ALK: variants seen among roughly 807,000 people sequenced by gnomAD.
ALK encodes the protein ALK tyrosine kinase receptor.
In ALK, 74 loss-of-function variants were observed where a neutral mutation model predicts 163.1. The observed-to-expected ratio is 0.45, with a 90% CI of 0.38 to 0.55. ALK has a LOEUF of 0.55. Among genes scored for constraint, ALK ranks in the 20% least tolerant of loss-of-function variants. The pLI, the probability that ALK is intolerant of heterozygous loss-of-function variation, is 0.00. For missense variants in ALK, 2,063 were observed against 2,105.3 expected, an observed-to-expected ratio of 0.98 and a Z score of 0.39; for synonymous variants, 960 against 843.2, an observed-to-expected ratio of 1.14 and a Z score of -2.40.
intron 4 of ALK, among the ~76,000 whole-genome samples, chr2:29,441,239 T>C (rs1389986027): frequency 6.6e-6 from 1 of 152,260 alleles, no homozygotes; most frequent in Non-Finnish European, 1.5e-5. Context: ...GGGGTCTCCC[T>C]GTGTACCTCA....
intron 3 of ALK, among the ~76,000 whole-genome samples, chr2:29,634,249 C>T (rs947165228): frequency 6.6e-5 from 10 of 152,156 alleles, no homozygotes; most frequent in South Asian, 6.2e-4. Flanking sequence ...TGACACACTG[C>T]GGTGCTGGTT....
intron 3 of ALK, among the ~76,000 whole-genome samples, chr2:29,546,265 G>A (rs1179253445): frequency 6.6e-6 from 1 of 152,118 alleles, no homozygotes; most frequent in African/African-American, 2.4e-5. Context: ...AAGGGGCAGA[G>A]CCAATAATCT....
At chr2:29,457,012 C>T (rs1041303933) in intron 4 of ALK, among the ~76,000 whole-genome samples, 3 of 152,182 alleles carry the variant, frequency 2.0e-5, no homozygotes, top group Non-Finnish European at 4.4e-5. Context: ...AAAGTAATCA[C>T]AAGCCAGTCT....
chr2:29,291,759 C>G (rs1463756361), intron 9 of ALK, among the ~76,000 whole-genome samples: 2 of 152,170 alleles, frequency 1.3e-5, no homozygotes, highest in Non-Finnish European at 2.9e-5. Flanking sequence ...TCTAGACCTG[C>G]AAACTGAGGC....
chr2:29,480,600 A>C (rs2148117769), intron 4 of ALK, among the ~76,000 whole-genome samples: 1 of 151,944 alleles, frequency 6.6e-6, no homozygotes, highest in East Asian at 1.9e-4. Context: ...GGATGAGTTG[A>C]CACTTCTTGC....
At chr2:29,845,697 G>C (rs1037647691) in intron 1 of ALK, among the ~76,000 whole-genome samples, 14 of 152,300 alleles carry the variant, frequency 9.2e-5, no homozygotes, top group Admixed American at 7.8e-4. Context: ...GCCTCCAAAA[G>C]TACTAGGATG....
chr2:29,633,726 A>C (rs1479948138), intron 3 of ALK, among the ~76,000 whole-genome samples: 1 of 152,162 alleles, frequency 6.6e-6, no homozygotes, highest in Non-Finnish European at 1.5e-5. Context: ...ATGAGGAAGG[A>C]AACAAGGGTT....
intron 3 of ALK, among the ~76,000 whole-genome samples, chr2:29,553,287 C>G (rs918067031): frequency 6.6e-6 from 1 of 152,168 alleles, no homozygotes; most frequent in Non-Finnish European, 1.5e-5. Flanking sequence ...GAAGACACAA[C>G]AGCAAGGCAC....
At chr2:29,696,857 G>A (rs1678581351) in intron 2 of ALK, among the ~76,000 whole-genome samples, 1 of 151,222 alleles carries the variant, frequency 6.6e-6, no homozygotes, top group Admixed American at 6.6e-5. Flanking sequence ...GGGAGAAGCT[G>A]TCTTTAGAGC....
At chr2:29,347,455 C>T (rs773319625) in intron 5 of ALK, among the ~76,000 whole-genome samples, 6 of 152,140 alleles carry the variant, frequency 3.9e-5, no homozygotes, top group Non-Finnish European at 8.8e-5. Context: ...TGTGAATGGT[C>T]AGGAAGTGGC....
intron 8 of ALK, among the ~76,000 whole-genome samples, chr2:29,299,072 G>A (rs1183138232): frequency 1.3e-5 from 2 of 152,190 alleles, no homozygotes; most frequent in Non-Finnish European, 2.9e-5. Context: ...GCTGCCGCTA[G>A]TTACTTGTTG....
At chr2:29,363,781 A>C (rs1668436047) in intron 5 of ALK, among the ~76,000 whole-genome samples, 1 of 152,222 alleles carries the variant, frequency 6.6e-6, no homozygotes, top group Non-Finnish European at 1.5e-5. Context: ...TGAGTCAACA[A>C]TTCAGACTCA....
chr2:29,542,458 CTT>C (rs1673438505), intron 3 of ALK, among the ~76,000 whole-genome samples: 1 of 152,100 alleles, frequency 6.6e-6, no homozygotes, highest in Non-Finnish European at 1.5e-5. Flanking sequence ...CCTCAGGAAA[CTT>C]CTTCAGGGGG....
chr2:29,388,459 T>A (rs1669085495), intron 4 of ALK, among the ~76,000 whole-genome samples: 1 of 152,200 alleles, frequency 6.6e-6, no homozygotes, highest in East Asian at 1.9e-4. Context: ...GCTGCTGCAG[T>A]GTAGCAAGGC....
At chr2:29,736,520 G>A (rs771108407) in intron 1 of ALK, among the ~76,000 whole-genome samples, 6 of 151,728 alleles carry the variant, frequency 4.0e-5, no homozygotes, top group Admixed American at 1.3e-4. Context: ...TGGAAACAAG[G>A]GAACAAGTTT....
intron 1 of ALK, among the ~76,000 whole-genome samples, chr2:29,910,697 G>A (rs1667678330): frequency 6.6e-6 from 1 of 152,158 alleles, no homozygotes; most frequent in Admixed American, 6.5e-5. Flanking sequence ...TAACAATGGA[G>A]CAACAGCATT....
chr2:29,327,936 C>G (rs1190627537), intron 6 of ALK, among the ~76,000 whole-genome samples: 1 of 152,062 alleles, frequency 6.6e-6, no homozygotes, highest in African/African-American at 2.4e-5. Flanking sequence ...CATGAAGGAT[C>G]TGTAAGGTGG....
chr2:29,386,686 A>G (rs1441103068), intron 4 of ALK, among the ~76,000 whole-genome samples: 1 of 152,200 alleles, frequency 6.6e-6, no homozygotes, highest in Non-Finnish European at 1.5e-5. Flanking sequence ...TTTAGGAATT[A>G]GTTTCTGAGT....
At chr2:29,761,086 C>A (rs1680687378) in intron 1 of ALK, among the ~76,000 whole-genome samples, 1 of 152,146 alleles carries the variant, frequency 6.6e-6, no homozygotes, top group African/African-American at 2.4e-5. Context: ...TCTCTTGGAA[C>A]CATGTTGTAG....
Sources: allele counts gnomAD v4.1 joint callset (sites outside exome capture counted in the v4.1 genomes callset), GRCh38; gene constraint gnomAD v4.1.1; transcripts MANE v1.5; gene names NCBI Gene and HGNC (gene_info 2026-07-23, HGNC 2026-07-21).